Variants in ATP8B4 observed in about 807,000 individuals in gnomAD.
ATP8B4 encodes the protein ATPase phospholipid transporting 8B4 (putative).
A neutral mutation model predicts 145.6 loss-of-function variants in ATP8B4; 133 were observed. The ratio of observed to expected loss-of-function variants is 0.91; its 90% CI spans 0.79 to 1.05. ATP8B4 has a LOEUF of 1.05. ATP8B4 is among the 50% of genes least tolerant of loss of function. The pLI is 0.00. For synonymous variants in ATP8B4, 507 were observed against 492.9 expected (o/e 1.03, Z -0.38); for missense variants, 1,458 against 1,425.2 (o/e 1.02, Z -0.37).
chr15:50,078,624 T>G (rs1258593524), intron 2 of ATP8B4, among the ~76,000 whole-genome samples: 1 of 152,058 alleles, frequency 6.6e-6, no homozygotes, highest in East Asian at 1.9e-4. Context: ...AAAACTGCCC[T>G]GCTCCAGAGT....
At chr15:50,092,628 A>G (rs941886875) in intron 2 of ATP8B4, among the ~76,000 whole-genome samples, 2 of 152,004 alleles carry the variant, frequency 1.3e-5, no homozygotes, top group Non-Finnish European at 2.9e-5. Context: ...ATAGGGTAAT[A>G]GTAAGCTGGA....
intron 9 of ATP8B4, among the ~76,000 whole-genome samples, chr15:49,988,489 A>T (rs2046811095): frequency 6.6e-6 from 1 of 152,120 alleles, no homozygotes; most frequent in Admixed American, 6.6e-5. Flanking sequence ...AGATATGAAA[A>T]AGGAAGCTGT....
chr15:49,871,383 T>A (rs1598810706), intron 25 of ATP8B4, among the ~76,000 whole-genome samples: 1 of 152,324 alleles, frequency 6.6e-6, no homozygotes, highest in East Asian at 1.9e-4. Context: ...TAGACAGAAC[T>A]GGATTCTCCT....
intron 2 of ATP8B4, among the ~76,000 whole-genome samples, chr15:50,075,144 C>T (rs1345559763): frequency 6.6e-6 from 1 of 151,894 alleles, no homozygotes; most frequent in African/African-American, 2.4e-5. Flanking sequence ...AAGGCACTTA[C>T]AACCAGAGAT....
chr15:49,948,535 T>A (rs2042780012), intron 14 of ATP8B4, among the ~76,000 whole-genome samples: 1 of 152,148 alleles, frequency 6.6e-6, no homozygotes, highest in African/African-American at 2.4e-5. Context: ...AGATCATATA[T>A]CTGATAAGGG....
chr15:49,972,668 A>G lies in ATP8B4; in HGVS notation c.1157T>C (p.Ile386Thr), dbSNP rs144725991. 6.2e-6 allele frequency: 10 copies of G among 1,614,022 alleles called. No homozygotes were observed. Among genetic ancestry groups the G allele is most frequent in the Non-Finnish European group, 8.5e-6 (10 of 1,179,972 alleles). Residue 386 changes from isoleucine to threonine, a missense_variant, in exon 13 of 28, where the codon ATT becomes ACT. Physicochemically the swap from Ile to Thr is moderately conservative, Grantham distance 89 (BLOSUM62 -1). Transcript: ENST00000284509. ...TTTLNEELGQ[I>T]EYIFSDKTGT... is the part of the protein sequence containing the mutation. ...CGTTTTGTCGGAGAAAATGTACTCA[A>G]TCTGCCCCAGTTCCTCATTGAGCGT...
intron 14 of ATP8B4, among the ~76,000 whole-genome samples, chr15:49,953,411 G>A (rs2043275355): frequency 1.3e-5 from 2 of 152,294 alleles, no homozygotes; most frequent in South Asian, 4.1e-4. Context: ...TCTGGCTGGA[G>A]TTACTGGAGA....
intron 1 of ATP8B4, among the ~76,000 whole-genome samples, chr15:50,117,773 A>T (rs1016236104): frequency 2.0e-5 from 3 of 152,232 alleles, no homozygotes; most frequent in African/African-American, 7.2e-5. Flanking sequence ...TTGAGGAATA[A>T]AATTTTTAAA....
intron 3 of ATP8B4, among the ~76,000 whole-genome samples, chr15:50,065,751 T>C (rs923988361): frequency 6.6e-6 from 1 of 152,174 alleles, no homozygotes; most frequent in Non-Finnish European, 1.5e-5. Context: ...ATTGCTTGCA[T>C]ACTTTTCAGT....
intron 21 of ATP8B4, among the ~76,000 whole-genome samples, chr15:49,900,305 C>T (rs2153431586): frequency 6.6e-6 from 1 of 152,266 alleles, no homozygotes; most frequent in East Asian, 1.9e-4. Context: ...ACACAATATC[C>T]TCATACCCAA....
At chr15:49,898,374 C>T in intron 21 of ATP8B4, 123 bp from the exon 22 acceptor site, 1 of 1,039,012 alleles carries the variant, frequency 9.6e-7, no homozygotes, top group Non-Finnish European at 1.4e-6. Context: ...TCATTCACTC[C>T]AAAAAGTCAT....
At chr15:50,035,293 A>T (rs2050751057) in intron 6 of ATP8B4, among the ~76,000 whole-genome samples, 1 of 152,204 alleles carries the variant, frequency 6.6e-6, no homozygotes, top group Non-Finnish European at 1.5e-5. Context: ...GAAAGTGTGG[A>T]TGTATGTGTG....
chr15:49,867,458 C>A, intron 25 of ATP8B4, among the ~76,000 whole-genome samples: 1 of 152,164 alleles, frequency 6.6e-6, no homozygotes, highest in East Asian at 1.9e-4. Context: ...AAAGTACAGC[C>A]TTTTCTCCCC....
At chr15:50,162,307 T>TA (rs1478281773) in intron 1 of ATP8B4, among the ~76,000 whole-genome samples, 3 of 150,774 alleles carry the variant, frequency 2.0e-5, no homozygotes, top group Non-Finnish European at 4.4e-5. Flanking sequence ...ACTTTATTAA[T>TA]ATCTTTATTT....
chr15:49,892,641 T>C (rs1271596230), intron 23 of ATP8B4, among the ~76,000 whole-genome samples: 1 of 152,206 alleles, frequency 6.6e-6, no homozygotes, highest in East Asian at 1.9e-4. Flanking sequence ...CAAAGTGAGC[T>C]CCATATGGCA....
At position 49,863,206 on chromosome 15, in the gene ATP8B4, C is replaced by A. The variant is rs540860371; in HGVS notation, c.3167-831G>T. ...GAACTTGTTATTTCTCTATTGTTCA[C>A]TTGGTTATGAAGTCCTCAAAGTTCC... On this transcript the variant is annotated intron_variant, in intron 26 of 27. Coordinates refer to ENST00000284509, the MANE Select transcript of ATP8B4 (RefSeq NM_024837.4). Among the ~76,000 whole-genome samples the A allele has an allele frequency of 9.2e-5, 14 of 152,316 alleles. No homozygotes were observed. In the South Asian group the frequency reaches 2.9e-3, roughly 32 times the overall value.
intron 22 of ATP8B4, 97 bp from the exon 23 acceptor site, chr15:49,897,612 C>T (rs529872895): frequency 2.9e-6 from 3 of 1,026,164 alleles, no homozygotes; most frequent in Admixed American, 3.0e-5. Flanking sequence ...AACTTACAGC[C>T]ATTGCAATTA....
At chr15:50,102,366 A>G (rs2056416830) in intron 2 of ATP8B4, among the ~76,000 whole-genome samples, 1 of 152,140 alleles carries the variant, frequency 6.6e-6, no homozygotes, top group Non-Finnish European at 1.5e-5. Context: ...CCAAGAAAAG[A>G]AGAGAGAAGA....
intron 20 of ATP8B4, among the ~76,000 whole-genome samples, chr15:49,907,016 A>G (rs927403837): frequency 6.6e-6 from 1 of 152,218 alleles, no homozygotes; most frequent in African/African-American, 2.4e-5. Flanking sequence ...CATCTTGGGC[A>G]TAGAGAGGTG....
Sources: allele counts gnomAD v4.1 joint callset (sites outside exome capture counted in the v4.1 genomes callset), GRCh38; gene constraint gnomAD v4.1.1; transcripts MANE v1.5; gene names NCBI Gene and HGNC (gene_info 2026-07-23, HGNC 2026-07-21).